The following CTNNA2 variants were observed in gnomAD, a reference collection of about 807,000 sequenced individuals.
CTNNA2 encodes catenin alpha 2.
CTNNA2 carries 42 observed loss-of-function variants against 101.0 expected under a neutral mutation model. That is an observed-to-expected ratio of 0.42 (90% CI 0.32 to 0.54). The LOEUF (loss-of-function observed/expected upper bound fraction) is 0.54. CTNNA2 is among the 20% of genes least tolerant of loss of function. The probability of loss-of-function intolerance (pLI) is 0.14; values close to 1 mark genes in which losing one functional copy is unlikely to be tolerated. For synonymous variants in CTNNA2, 450 were observed against 456.4 expected (o/e 0.99, Z 0.18); for missense variants, 871 against 1,223.1 (o/e 0.71, Z 4.29).
chr2:79,263,998 C>G (rs1010984876), intron 2 of CTNNA2, among the ~76,000 whole-genome samples: 6 of 152,152 alleles, frequency 3.9e-5, no homozygotes, highest in Admixed American at 6.5e-5. Flanking sequence ...AACATTTTGC[C>G]ACTTAAGAAA....
At chr2:79,782,600 A>G (rs891169987) in intron 3 of CTNNA2, among the ~76,000 whole-genome samples, 5 of 152,204 alleles carry the variant, frequency 3.3e-5, no homozygotes, top group Non-Finnish European at 5.9e-5. Context: ...ACTTGGAGGA[A>G]GATAAATTTT....
intron 9 of CTNNA2, among the ~76,000 whole-genome samples, chr2:80,497,980 C>G (rs1421871153): frequency 1.3e-5 from 2 of 152,176 alleles, no homozygotes; most frequent in Non-Finnish European, 2.9e-5. Context: ...ATGCTGAACT[C>G]CTAACCATGG....
rs370821584 is a variant in CTNNA2, at chr2:79,209,449, T to G, written c.-406+11373T>G. Among the ~76,000 whole-genome samples, 9 of 152,336 alleles carry G rather than the reference T, an allele frequency of 5.9e-5. No homozygotes were observed. The East Asian group carries it at 9.7e-4, about 16-fold the overall frequency. ...CGATACATATTTGTTCTTTTTCTCT[T>G]TCTCTTTAGAACTGGTTATAACATC... On this transcript the variant is annotated intron_variant, in intron 2 of 21. Coordinates refer to the CTNNA2 transcript ENST00000466387.
At chr2:79,699,941 A>G (rs1045405413) in intron 2 of CTNNA2, among the ~76,000 whole-genome samples, 4 of 148,666 alleles carry the variant, frequency 2.7e-5, no homozygotes, top group African/African-American at 7.3e-5. Flanking sequence ...ATATATTTAC[A>G]TATCACATAT....
intron 7 of CTNNA2, among the ~76,000 whole-genome samples, chr2:80,378,498 C>T (rs2149344887): frequency 6.6e-6 from 1 of 151,884 alleles, no homozygotes; most frequent in Middle Eastern, 3.4e-3. Flanking sequence ...CATTCAAATG[C>T]AAGGCATGAT....
chr2:79,470,096 G>T (rs550555163), intron 4 of CTNNA2, among the ~76,000 whole-genome samples: 22 of 152,278 alleles, frequency 1.4e-4, no homozygotes, highest in African/African-American at 4.6e-4. Context: ...AATTGTCCCT[G>T]TTTGCAGATG....
At chr2:79,916,203 G>T (rs1686189999) in intron 7 of CTNNA2, among the ~76,000 whole-genome samples, 2 of 152,314 alleles carry the variant, frequency 1.3e-5, no homozygotes, top group African/African-American at 4.8e-5. Flanking sequence ...GTTTGAAAAT[G>T]TTTGTGGGCA....
chr2:79,966,771 A>G (rs1690092899), intron 7 of CTNNA2, among the ~76,000 whole-genome samples: 3 of 152,210 alleles, frequency 2.0e-5, no homozygotes. Flanking sequence ...ACTTTTAGCA[A>G]CATTCAAACC....
chr2:80,175,020 A>G (rs908375022), intron 7 of CTNNA2, among the ~76,000 whole-genome samples: 2 of 152,134 alleles, frequency 1.3e-5, no homozygotes, highest in African/African-American at 4.8e-5. Flanking sequence ...GACAAACACA[A>G]AACTCTTGAC....
At chr2:79,474,831 A>C (rs1671034824) in intron 4 of CTNNA2, among the ~76,000 whole-genome samples, 1 of 152,114 alleles carries the variant, frequency 6.6e-6, no homozygotes, top group African/African-American at 2.4e-5. Context: ...TGGTCTTTCA[A>C]CTAATGTTCC....
At chr2:79,216,836 C>A (rs1265582398) in intron 2 of CTNNA2, among the ~76,000 whole-genome samples, 1 of 152,032 alleles carries the variant, frequency 6.6e-6, no homozygotes, top group South Asian at 2.1e-4. Flanking sequence ...TCATGCCCCC[C>A]AGAACTGCAG....
chr2:80,452,451 T>G (rs1683598846), intron 9 of CTNNA2, among the ~76,000 whole-genome samples: 1 of 144,736 alleles, frequency 6.9e-6, no homozygotes, highest in Non-Finnish European at 1.5e-5. Context: ...TTTAACCCAA[T>G]GGTCCATAAA....
chr2:79,668,007 G>A (rs577847445), intron 2 of CTNNA2, among the ~76,000 whole-genome samples: 37 of 150,836 alleles, frequency 2.5e-4, no homozygotes, highest in Non-Finnish European at 4.6e-4. Context: ...TTGGGAGGCC[G>A]AGGCGGGTGG....
intron 4 of CTNNA2, among the ~76,000 whole-genome samples, chr2:79,424,058 T>G (rs986505936): frequency 6.6e-6 from 1 of 152,032 alleles, no homozygotes; most frequent in African/African-American, 2.4e-5. Flanking sequence ...TTGTTAGAAC[T>G]GATGGGGAAA....
intron 2 of CTNNA2, among the ~76,000 whole-genome samples, chr2:79,247,227 C>T (rs937328695): frequency 6.6e-6 from 1 of 152,200 alleles, no homozygotes; most frequent in Non-Finnish European, 1.5e-5. Flanking sequence ...GCTAGTTTCT[C>T]CCCCAGCCCA....
At chr2:79,835,263 A>T (rs763766343) in intron 3 of CTNNA2, among the ~76,000 whole-genome samples, 4 of 152,188 alleles carry the variant, frequency 2.6e-5, no homozygotes, top group Non-Finnish European at 4.4e-5. Flanking sequence ...GTTTATTTAA[A>T]ACTTTTGTAT....
intron 3 of CTNNA2, among the ~76,000 whole-genome samples, chr2:79,838,550 C>G (rs1679565309): frequency 2.0e-5 from 3 of 152,080 alleles, no homozygotes; most frequent in Admixed American, 1.3e-4. Flanking sequence ...AACATAAGAA[C>G]ATACTCTGAT....
chr2:79,531,194 T>TTATA (rs1672714662), intron 1 of CTNNA2, among the ~76,000 whole-genome samples: 3 of 76,894 alleles, frequency 3.9e-5, no homozygotes, highest in Admixed American at 1.9e-4. Context: ...ATAGATACGC[T>TTATA]CATATATATA....
intron 2 of CTNNA2, among the ~76,000 whole-genome samples, chr2:79,697,253 T>G (rs1172021699): frequency 2.0e-5 from 3 of 152,032 alleles, no homozygotes; most frequent in Non-Finnish European, 2.9e-5. Context: ...TTATGCAATG[T>G]CACTCCTGAC....
Sources: gnomAD v4.1 joint callset for allele counts (sites outside exome capture counted in the v4.1 genomes callset) on GRCh38, gnomAD v4.1.1 for gene constraint, MANE v1.5 for transcripts, NCBI Gene and HGNC (gene_info 2026-07-23, HGNC 2026-07-21) for gene names.